ASCC3: variants seen among roughly 807,000 people sequenced by gnomAD.
ASCC3 encodes ASC-1 complex subunit P200.
In ASCC3, 158 loss-of-function variants were observed where a neutral mutation model predicts 256.3. The ratio of observed to expected loss-of-function variants is 0.62; its 90% CI spans 0.54 to 0.70. The LOEUF (loss-of-function observed/expected upper bound fraction) is 0.70, where lower values mean the gene tolerates loss of function less well. ASCC3 is among the 30% of genes least tolerant of loss of function. ASCC3 has a pLI of 0.00. For synonymous variants in ASCC3, 948 were observed against 883.4 expected, an observed-to-expected ratio of 1.07 and a Z score of -1.30; for missense variants, 2,259 against 2,626.0, an observed-to-expected ratio of 0.86 and a Z score of 3.05.
At position 100,512,900 on chromosome 6, in the gene ASCC3, G is replaced by A. The variant is rs752253260; in HGVS notation, c.6094C>T (p.His2032Tyr). Residue 2032 changes from histidine (H) to tyrosine (Y), a missense_variant, in exon 40 of 42, where the codon CAC (histidine) becomes TAC (tyrosine). By Grantham distance (83) the His-to-Tyr change is moderately conservative. Coordinates refer to ENST00000369162, the MANE Select transcript of ASCC3 (RefSeq NM_006828.4). Reference sequence around the variant, plus strand: ...ATGCCAACATTTATCACTGGCAAGTGAGATAAGAAATTCCATGCCTAAATA... The same window carrying A: ...ATGCCAACATTTATCACTGGCAAGTAAGATAAGAAATTCCATGCCTAAATA... ...KTKQAWNFLS[H>Y]LPVINVGISV... 25 of 1,613,622 alleles carry A rather than the reference G, an allele frequency of 1.5e-5. No individual in the cohort carries two copies. The highest frequency in any genetic ancestry group is 5.0e-5 in the Admixed American group (3 of 59,992).
At chr6:100,673,163 G>A (rs149461994) in intron 14 of ASCC3, among the ~76,000 whole-genome samples, 151 of 152,080 alleles carry the variant, frequency 9.9e-4, no homozygotes, top group Middle Eastern at 3.4e-3. Flanking sequence ...ATAGAAATAA[G>A]TTGGCATTCC....
At chr6:100,551,249 A>T (rs1769285168) in intron 36 of ASCC3, among the ~76,000 whole-genome samples, 1 of 151,956 alleles carries the variant, frequency 6.6e-6, no homozygotes, top group South Asian at 2.1e-4. Context: ...ACAAAAAGAG[A>T]CATGACTCTC....
chr6:100,625,010 T>C (rs1291468164), intron 30 of ASCC3, among the ~76,000 whole-genome samples, 182 bp downstream of exon 30: 1 of 151,980 alleles, frequency 6.6e-6, no homozygotes, highest in Non-Finnish European at 1.5e-5. Context: ...AATATGAATA[T>C]ACAAAATAAA....
At chr6:100,640,342 A>C (rs572507756) in intron 24 of ASCC3, among the ~76,000 whole-genome samples, 90 of 152,188 alleles carry the variant, frequency 5.9e-4, no homozygotes, top group Admixed American at 1.9e-3. Flanking sequence ...AATGATAATG[A>C]CTATATATTC....
chr6:100,582,943 G>C (rs1322785069), intron 36 of ASCC3, among the ~76,000 whole-genome samples: 1 of 152,182 alleles, frequency 6.6e-6, no homozygotes. Context: ...AAGCCCACTT[G>C]ATCATGGTGG....
At chr6:100,878,459 T>C (rs756668845) in intron 1 of ASCC3, among the ~76,000 whole-genome samples, 1 of 152,006 alleles carries the variant, frequency 6.6e-6, no homozygotes, top group Non-Finnish European at 1.5e-5. Flanking sequence ...CCTTTAAATG[T>C]CCTTGGGAAA....
rs560802645 is a variant in ASCC3 at position 100,548,059 on chromosome 6, T to A, written c.5551-7672A>T. ...CCAGACCAAAAAAAAAAAACAGGAATACATACACTAGGATTTCATTTATAT... is the reference window on the plus strand; with the variant it reads ...CCAGACCAAAAAAAAAAAACAGGAAAACATACACTAGGATTTCATTTATAT... On this transcript the variant is annotated intron_variant, in intron 36 of 41. Transcript: ENST00000369162. Among the ~76,000 whole-genome samples, 307 of 150,024 alleles carry A rather than the reference T, an allele frequency of 2.0e-3. No individual in the cohort carries two copies. In the Middle Eastern group the frequency reaches 0.024, roughly 12 times the overall value.
chr6:100,776,711 T>A (rs140660432), intron 8 of ASCC3, among the ~76,000 whole-genome samples: 39 of 152,104 alleles, frequency 2.6e-4, no homozygotes, highest in African/African-American at 6.7e-4. Flanking sequence ...ACAGTAAACA[T>A]ACCTCATTTT....
At chr6:100,801,860 A>C (rs1465616631) in intron 5 of ASCC3, among the ~76,000 whole-genome samples, 1 of 151,066 alleles carries the variant, frequency 6.6e-6, no homozygotes, top group Admixed American at 6.6e-5. Flanking sequence ...AAAATTACAC[A>C]ATCAGCAACA....
At chr6:100,794,711 C>G (rs540193239) in intron 8 of ASCC3, among the ~76,000 whole-genome samples, 1 of 152,134 alleles carries the variant, frequency 6.6e-6, no homozygotes, top group Non-Finnish European at 1.5e-5. Flanking sequence ...TTTTATAGGA[C>G]TCAATTATTG....
At chr6:100,815,053 C>A (rs532336841) in intron 4 of ASCC3, among the ~76,000 whole-genome samples, 1 of 151,990 alleles carries the variant, frequency 6.6e-6, no homozygotes, top group South Asian at 2.1e-4. Context: ...ATCTTTCTAA[C>A]TTTTTGATCA....
chr6:100,792,744 A>C (rs1769412034), intron 8 of ASCC3, among the ~76,000 whole-genome samples: 1 of 151,952 alleles, frequency 6.6e-6, no homozygotes, highest in Non-Finnish European at 1.5e-5. Context: ...GTCCTAAACA[A>C]GTTCATCCAA....
chr6:100,785,780 T>A (rs1477877619), intron 8 of ASCC3, among the ~76,000 whole-genome samples: 1 of 152,056 alleles, frequency 6.6e-6, no homozygotes, highest in Non-Finnish European at 1.5e-5. Flanking sequence ...AAACTTCTCA[T>A]ACAGAAAAGT....
intron 34 of ASCC3, among the ~76,000 whole-genome samples, chr6:100,598,649 G>A (rs768564180): frequency 3.9e-5 from 6 of 152,062 alleles, no homozygotes; most frequent in Non-Finnish European, 7.4e-5. Context: ...CCAGCTCCCT[G>A]TGTGTGGGAC....
chr6:100,850,537 C>T (rs1286146287), intron 3 of ASCC3, among the ~76,000 whole-genome samples: 1 of 152,184 alleles, frequency 6.6e-6, no homozygotes, highest in African/African-American at 2.4e-5. Context: ...CCAGGCCTCA[C>T]TGACACCAGA....
intron 13 of ASCC3, among the ~76,000 whole-genome samples, chr6:100,696,432 T>C (rs551342969): frequency 6.6e-6 from 1 of 152,108 alleles, no homozygotes; most frequent in Non-Finnish European, 1.5e-5. Context: ...TTCAATTTTA[T>C]CAAATGATTT....
At chr6:100,866,891 T>A (rs149438071) in intron 2 of ASCC3, among the ~76,000 whole-genome samples, 12 of 152,360 alleles carry the variant, frequency 7.9e-5, no homozygotes, top group Middle Eastern at 3.4e-3. Flanking sequence ...CAGAGACATT[T>A]CTAAGAATCT....
In ASCC3 at chr6:100,800,456, C is replaced by A; in HGVS notation, c.971G>T (p.Cys324Phe). Residue 324 changes from cysteine to phenylalanine, a missense_variant, in exon 6 of 42, where the codon TGT (cysteine) becomes TTT (phenylalanine). This residue lies in a region of ASCC3 where 420 missense variants were observed against 419.3 expected (regional missense o/e 1.00). Transcript: ENST00000369162. ...TTGTTCAGACTGAATAGTGACTTGACAACCATAATTGGGTTTAGCATTTTC... is the reference window on the plus strand; with the variant it reads ...TTGTTCAGACTGAATAGTGACTTGAAAACCATAATTGGGTTTAGCATTTTC... The part of the protein sequence containing the change: ...LGENAKPNYG[C>F]QVTIQSEQEK... 2 of 1,612,256 alleles carry A rather than the reference C, an allele frequency of 1.2e-6. No homozygotes were observed. Among genetic ancestry groups the A allele is most frequent in the Non-Finnish European group, 1.7e-6 (2 of 1,179,086 alleles).
chr6:100,693,841 T>G (rs1777951763), intron 13 of ASCC3, among the ~76,000 whole-genome samples: 1 of 152,120 alleles, frequency 6.6e-6, no homozygotes, highest in African/African-American at 2.4e-5. Flanking sequence ...TACAACAAAC[T>G]CTTGTAGCAG....
Sources: allele counts gnomAD v4.1 joint callset (sites outside exome capture counted in the v4.1 genomes callset), GRCh38; gene constraint gnomAD v4.1.1; regional missense constraint gnomAD v4.1.1; transcripts MANE v1.5; gene names NCBI Gene and HGNC (gene_info 2026-07-23, HGNC 2026-07-21).